KIF6: variants seen among roughly 807,000 people sequenced by gnomAD.
KIF6 encodes the protein kinesin-like protein KIF6.
In KIF6, 106 loss-of-function variants were observed where a neutral mutation model predicts 112.7. The observed-to-expected ratio is 0.94, with a 90% confidence interval of 0.80 to 1.11. The LOEUF (loss-of-function observed/expected upper bound fraction) is 1.11, where lower values mean the gene tolerates loss of function less well. Ranked by LOEUF, KIF6 falls within the 50% of genes least tolerant of loss-of-function variation. The pLI, the probability that KIF6 is intolerant of heterozygous loss-of-function variation, is 0.00. For missense variants in KIF6, 929 were observed against 964.0 expected, an observed-to-expected ratio of 0.96 and a Z score of 0.48; for synonymous variants, 339 against 339.9, an observed-to-expected ratio of 1.00 and a Z score of 0.03.
intron 10 of KIF6, among the ~76,000 whole-genome samples, chr6:39,549,248 G>C (rs955859728): frequency 6.6e-6 from 1 of 151,434 alleles, no homozygotes; most frequent in Non-Finnish European, 1.5e-5. Context: ...AGCTCTCTCT[G>C]TAGCCATATG....
In KIF6 at chr6:39,639,615, G is replaced by T. The variant is rs1326019425; in HGVS notation, c.394C>A (p.Gln132Lys). 3 of 1,577,934 alleles carry T rather than the reference G, an allele frequency of 1.9e-6. No individual in the cohort carries two copies. Among genetic ancestry groups the T allele is most frequent in the Non-Finnish European group, 2.6e-6 (3 of 1,165,280 alleles). Reference protein sequence around the residue: ...RTLSYIFEQLQKDSSKIYTTH... With the variant: ...RTLSYIFEQLKKDSSKIYTTH... ...ATGAACGAAAAGTTTCATACCTTTT[G>T]TAACTGTTCAAAAATGTATGACAGT... The change falls in exon 4 of 23, where the codon CAA becomes AAA. Residue 132 changes from glutamine to lysine, a missense_variant. Physicochemically the swap from Gln to Lys is moderately conservative, Grantham distance 53 (BLOSUM62 1). This residue lies in a region of KIF6 where 688 missense variants were observed against 662.7 expected (regional missense o/e 1.04). Coordinates refer to ENST00000287152, the MANE Select transcript of KIF6 (RefSeq NM_145027.6).
At chr6:39,602,176 T>A (rs1380712120) in intron 6 of KIF6, among the ~76,000 whole-genome samples, 5 of 152,182 alleles carry the variant, frequency 3.3e-5, no homozygotes, top group Admixed American at 1.3e-4. Context: ...ATCAGTTTCT[T>A]TTTTAGGGCT....
chr6:39,725,103 C>T, intron 1 of KIF6, 142 bp downstream of exon 1: 2 of 595,376 alleles, frequency 3.4e-6, no homozygotes, highest in Non-Finnish European at 5.6e-6. Context: ...CAGGGCTCCT[C>T]GGTCAGTGTG....
In KIF6 at chr6:39,416,868, T is replaced by TC. The variant is rs554120286; in HGVS notation, c.1810+3079dup. Among the ~76,000 whole-genome samples the TC allele has an allele frequency of 4.0e-3, 615 of 152,240 alleles. 3 individuals are homozygous for TC. The highest frequency in any genetic ancestry group is 0.014 in the African/African-American group (587 of 41,552). On this transcript the variant is annotated intron_variant, in intron 15 of 22. Transcript: ENST00000287152. ...GTTCACAAATACAGCTTTTGTTTCT[T>TC]CTCTGCAGGCCAATTACGTGTGTAC...
intron 10 of KIF6, among the ~76,000 whole-genome samples, chr6:39,550,986 A>G (rs1015362751): frequency 6.6e-6 from 1 of 152,136 alleles, no homozygotes; most frequent in Non-Finnish European, 1.5e-5. Context: ...TTCTTTATCT[A>G]TTCATCTGTT....
At chr6:39,348,831 G>T (rs1763992013) in intron 19 of KIF6, among the ~76,000 whole-genome samples, 1 of 152,218 alleles carries the variant, frequency 6.6e-6, no homozygotes, top group South Asian at 2.1e-4. Flanking sequence ...CCCACCTGCG[G>T]CAATTCTCAG....
intron 3 of KIF6, among the ~76,000 whole-genome samples, chr6:39,694,079 A>G (rs1278937470): frequency 5.3e-5 from 8 of 152,046 alleles, no homozygotes; most frequent in Admixed American, 3.9e-4. Flanking sequence ...GATCATCTCA[A>G]TAGATATGGA....
At chr6:39,336,587 T>C in intron 22 of KIF6, 39 bp from the exon 23 acceptor site, 1 of 1,606,772 alleles carries the variant, frequency 6.2e-7, no homozygotes, top group Non-Finnish European at 8.5e-7. Flanking sequence ...AGGCTGTGCA[T>C]GCAGACACTG....
At chr6:39,393,439 G>A (rs1251225053) in intron 15 of KIF6, among the ~76,000 whole-genome samples, 1 of 152,198 alleles carries the variant, frequency 6.6e-6, no homozygotes, top group African/African-American at 2.4e-5. Context: ...GGTCACATGT[G>A]TCAAGTGCTT....
intron 6 of KIF6, among the ~76,000 whole-genome samples, chr6:39,607,455 TAA>T (rs1313098562): frequency 2.0e-5 from 3 of 152,268 alleles, no homozygotes; most frequent in Non-Finnish European, 4.4e-5. Flanking sequence ...TGCTCAAAAT[TAA>T]AGTTTCTTTT....
intron 13 of KIF6, among the ~76,000 whole-genome samples, chr6:39,531,909 G>A (rs148354704): frequency 2.0e-3 from 306 of 152,088 alleles, no homozygotes; most frequent in African/African-American, 6.8e-3. Flanking sequence ...TCAACCTGTC[G>A]TCCCAGCCTT....
intron 1 of KIF6, among the ~76,000 whole-genome samples, chr6:39,724,169 T>C (rs1013514615): frequency 2.0e-5 from 3 of 152,112 alleles, no homozygotes; most frequent in Admixed American, 6.5e-5. Flanking sequence ...GCATAAAAAG[T>C]GCTGGGCGCG....
rs1317782711 is a variant in KIF6 at position 39,378,101 on chromosome 6, A to G, written c.1861+7521T>C. Among the ~76,000 whole-genome samples, 1 of 152,126 alleles carries G rather than the reference A, an allele frequency of 6.6e-6. No homozygotes were observed. The highest frequency in any genetic ancestry group is 6.5e-5 in the Admixed American group (1 of 15,272). ...ACATGCTCGCTGTCGAGGAAATGGG[A>G]TGTTCCAGTAAGCTCTGTTTTCACA... On this transcript the variant is annotated intron_variant, in intron 16 of 22. Coordinates refer to ENST00000287152, the MANE Select transcript of KIF6 (RefSeq NM_145027.6). This position sits in a 1 kb window ranked among gnomAD's most constrained non-coding sequence, Gnocchi z 5.0.
chr6:39,465,933 C>T (rs1773755684), intron 13 of KIF6, among the ~76,000 whole-genome samples: 1 of 152,206 alleles, frequency 6.6e-6, no homozygotes, highest in African/African-American at 2.4e-5. Context: ...AATATTGCTG[C>T]CCCTGAAGCC....
At chr6:39,476,910 A>T (rs907383503) in intron 13 of KIF6, among the ~76,000 whole-genome samples, 6 of 152,220 alleles carry the variant, frequency 3.9e-5, no homozygotes, top group Non-Finnish European at 8.8e-5. Flanking sequence ...ATAATTTAAG[A>T]TTTATAGCTT....
At chr6:39,354,793 T>C (rs1224461144) in intron 19 of KIF6, among the ~76,000 whole-genome samples, 3 of 152,188 alleles carry the variant, frequency 2.0e-5, no homozygotes, top group Admixed American at 1.3e-4. Context: ...GTCTGATAGG[T>C]AGAAAAGTGC....
At position 39,601,190 on chromosome 6, in the gene KIF6, T is replaced by C. The variant is rs146427944; in HGVS notation, c.640-4930A>G. ...ATGTTCCCAAAACAACTGTATCTCC[T>C]TCCCTCCCTCTGTGTCCCATGGATG... On this transcript the variant is annotated intron_variant, in intron 6 of 22. Transcript: ENST00000287152. 7.0e-4 allele frequency among the ~76,000 whole-genome samples: 106 copies of C among 152,232 alleles called. No individual in the cohort carries two copies. The Middle Eastern group carries it at 0.01, about 15-fold the overall frequency.
intron 6 of KIF6, among the ~76,000 whole-genome samples, chr6:39,610,393 A>G (rs1783151286): frequency 6.6e-6 from 1 of 152,232 alleles, no homozygotes; most frequent in Non-Finnish European, 1.5e-5. Context: ...GAAAGGAAAG[A>G]GCACTCCACT....
chr6:39,346,642 A>C (rs1454361452), intron 19 of KIF6, 116 bp from the exon 20 acceptor site: 1 of 536,776 alleles, frequency 1.9e-6, no homozygotes. Flanking sequence ...TTACACAGTA[A>C]TTTTCTTTTT....
Sources: allele counts gnomAD v4.1 joint callset (sites outside exome capture counted in the v4.1 genomes callset), GRCh38; gene constraint gnomAD v4.1.1; regional missense constraint gnomAD v4.1.1; non-coding constraint Gnocchi (gnomAD v3.1); transcripts MANE v1.5; gene names NCBI Gene and HGNC (gene_info 2026-07-23, HGNC 2026-07-21).